The following PPM1B variants were observed in gnomAD, a reference collection of about 807,000 sequenced individuals.
The protein encoded by PPM1B is protein phosphatase 1B.
Under a neutral mutation model 43.0 loss-of-function variants are expected in PPM1B, and 22 were observed. That is an observed-to-expected ratio of 0.51 (90% CI 0.37 to 0.73). The LOEUF (loss-of-function observed/expected upper bound fraction) is 0.73. Among genes scored for constraint, PPM1B ranks in the 30% least tolerant of loss-of-function variants. The pLI, the probability that PPM1B is intolerant of heterozygous loss-of-function variation, is 0.00. For synonymous variants in PPM1B, 217 were observed against 197.9 expected (o/e 1.10, Z -0.81); for missense variants, 632 against 584.2 (o/e 1.08, Z -0.84).
intron 5 of PPM1B, among the ~76,000 whole-genome samples, chr2:44,241,096 C>T (rs904823251): frequency 6.3e-5 from 9 of 143,522 alleles, no homozygotes; most frequent in African/African-American, 2.2e-4. Context: ...TTCCGCCTCC[C>T]GGGTTCAAGT....
At chr2:44,206,008 T>G (rs1467145853) in intron 2 of PPM1B, among the ~76,000 whole-genome samples, 1 of 152,156 alleles carries the variant, frequency 6.6e-6, no homozygotes, top group Non-Finnish European at 1.5e-5. Flanking sequence ...AGAGTGAGAC[T>G]CCGTGTCAAA....
At chr2:44,221,179 A>T (rs1399404443) in intron 5 of PPM1B, among the ~76,000 whole-genome samples, 5 of 152,248 alleles carry the variant, frequency 3.3e-5, no homozygotes, top group Non-Finnish European at 7.3e-5. Flanking sequence ...CCAAATGGTA[A>T]CTGTAGACTT....
At chr2:44,228,846 A>G (rs1196864520) in intron 5 of PPM1B, among the ~76,000 whole-genome samples, 1 of 152,002 alleles carries the variant, frequency 6.6e-6, no homozygotes, top group African/African-American at 2.4e-5. Flanking sequence ...TGCAGACATC[A>G]TATTTTACCT....
chr2:44,190,030 T>C (rs1668328905), intron 1 of PPM1B, among the ~76,000 whole-genome samples: 2 of 152,356 alleles, frequency 1.3e-5, no homozygotes, highest in South Asian at 4.1e-4. Context: ...TGTGAATGTT[T>C]TCATTACAAA....
chr2:44,229,260 A>T (rs759958703), intron 5 of PPM1B, among the ~76,000 whole-genome samples: 74 of 152,090 alleles, frequency 4.9e-4, no homozygotes, highest in Non-Finnish European at 8.7e-4. Context: ...TCATTTTTTT[A>T]AATTTATTTT....
downstream of PPM1B, among the ~76,000 whole-genome samples, chr2:44,244,644 T>G (rs575668813): frequency 2.8e-3 from 420 of 152,186 alleles, 5 homozygotes; most frequent in Non-Finnish European, 1.3e-3. Flanking sequence ...GTCTTCCGAC[T>G]GGTTTTTATC....
At chr2:44,170,192 G>C (rs1261271893) in intron 1 of PPM1B, among the ~76,000 whole-genome samples, 1 of 152,160 alleles carries the variant, frequency 6.6e-6, no homozygotes, top group African/African-American at 2.4e-5. Flanking sequence ...GTGCTTCTTA[G>C]GCGTTTGATA....
intron 1 of PPM1B, among the ~76,000 whole-genome samples, chr2:44,186,672 G>C (rs938253830): frequency 8.5e-5 from 13 of 152,332 alleles, no homozygotes; most frequent in African/African-American, 3.1e-4. Context: ...ATTGTGCCTG[G>C]CCTGATTTTT....
chr2:44,233,961 A>T (rs1670539974), downstream of PPM1B: 1 of 985,414 alleles, frequency 1.0e-6, no homozygotes, highest in Non-Finnish European at 1.2e-6. Context: ...CTCTGATCCA[A>T]CCCTGTACTG....
intron 1 of PPM1B, among the ~76,000 whole-genome samples, chr2:44,184,896 A>G (rs1007796068): frequency 9.9e-5 from 15 of 150,826 alleles, no homozygotes; most frequent in Non-Finnish European, 5.9e-5. Flanking sequence ...ATATCACTTT[A>G]TAGTTGTTGC....
intron 3 of PPM1B, among the ~76,000 whole-genome samples, chr2:44,210,968 T>C (rs554338068): frequency 6.6e-6 from 1 of 152,286 alleles, no homozygotes; most frequent in South Asian, 2.1e-4. Flanking sequence ...AAATCCCATC[T>C]GTACTAAAAA....
intron 3 of PPM1B, among the ~76,000 whole-genome samples, chr2:44,212,938 G>A (rs936078753): frequency 6.6e-6 from 1 of 151,406 alleles, no homozygotes; most frequent in Non-Finnish European, 1.5e-5. Context: ...GTGTGAACCT[G>A]GGAGGTGGAG....
chr2:44,238,137 G>A (rs1168758466), downstream of PPM1B, among the ~76,000 whole-genome samples: 1 of 151,840 alleles, frequency 6.6e-6, no homozygotes, highest in Non-Finnish European at 1.5e-5. Context: ...TCCTGACCTT[G>A]GGTGATCCGC....
intron 1 of PPM1B, among the ~76,000 whole-genome samples, chr2:44,186,064 G>C (rs1355373946): frequency 6.6e-6 from 1 of 152,152 alleles, no homozygotes; most frequent in African/African-American, 2.4e-5. Flanking sequence ...AGCAGTATAG[G>C]ATTTGATGCA....
chr2:44,223,703 C>G (rs1335683035), intron 5 of PPM1B, among the ~76,000 whole-genome samples: 1 of 150,490 alleles, frequency 6.6e-6, no homozygotes. Context: ...GTAGTCTCAG[C>G]TACTCGGGAG....
In PPM1B at chr2:44,226,556, C is replaced by G. The variant is rs552828085; in HGVS notation, c.1135-3857C>G. 9.9e-5 allele frequency among the ~76,000 whole-genome samples: 15 copies of G among 152,132 alleles called. No homozygotes were observed. The South Asian group carries it at 3.1e-3, about 32-fold the overall frequency. On this transcript the variant is annotated intron_variant, in intron 5 of 5. Coordinates refer to ENST00000282412, the MANE Select transcript of PPM1B (RefSeq NM_002706.6). ...ACCTGTCAGGCTTTAAAAGAACAAC[C>G]CAAATCCACTGAATCTGTGTATTTT...
At chr2:44,223,833 AAAAAAAAAAAAG>A in intron 5 of PPM1B, among the ~76,000 whole-genome samples, 1 of 148,726 alleles carries the variant, frequency 6.7e-6, no homozygotes, top group Non-Finnish European at 1.5e-5. Context: ...AAAAAAAAAA[AAAAAAAAAAAAG>A]AGAGAGAGAG....
intron 3 of PPM1B, among the ~76,000 whole-genome samples, chr2:44,211,560 ATTATG>A (rs921146203): frequency 6.8e-6 from 1 of 147,904 alleles, no homozygotes; most frequent in African/African-American, 2.5e-5. Flanking sequence ...TTAATTAATA[ATTATG>A]TTATACCTAA....
intron 1 of PPM1B, among the ~76,000 whole-genome samples, chr2:44,188,759 CT>C: frequency 6.8e-6 from 1 of 146,826 alleles, no homozygotes; most frequent in Non-Finnish European, 1.5e-5. Context: ...TCCTTCCTTC[CT>C]TCTTTCCTTC....
Sources: gnomAD v4.1 joint callset for allele counts (sites outside exome capture counted in the v4.1 genomes callset) on GRCh38, gnomAD v4.1.1 for gene constraint, MANE v1.5 for transcripts, NCBI Gene and HGNC (gene_info 2026-07-23, HGNC 2026-07-21) for gene names.